Variants in ANK3 observed in about 807,000 individuals in gnomAD.
ANK3 encodes ankyrin-3.
In ANK3, 57 loss-of-function variants were observed where a neutral mutation model predicts 370.9. That is an observed-to-expected ratio of 0.15 (90% confidence interval 0.12 to 0.19). ANK3 has a LOEUF of 0.19. Among genes scored for constraint, ANK3 ranks in the 10% least tolerant of loss-of-function variants. The pLI is 1.00. For missense variants in ANK3, 4,439 were observed against 5,302.1 expected, an observed-to-expected ratio of 0.84 and a Z score of 5.06; for synonymous variants, 1,929 against 1,946.3, an observed-to-expected ratio of 0.99 and a Z score of 0.23.
chr10:60,653,540 T>C lies in ANK3; in HGVS notation c.58-38316A>G, dbSNP rs552091422. On this transcript the variant is annotated intron_variant, in intron 1 of 43. Transcript: ENST00000373827. ...TCCTTTCTCCAATTCTGTAGCTTTATAGTAATCAGGTAATGTGACTCTTTT... is the reference window on the plus strand; with the variant it reads ...TCCTTTCTCCAATTCTGTAGCTTTACAGTAATCAGGTAATGTGACTCTTTT... Among the ~76,000 whole-genome samples, 4 of 152,316 alleles carry C rather than the reference T, an allele frequency of 2.6e-5. No homozygotes were observed. The East Asian group carries it at 7.7e-4, about 29-fold the overall frequency.
chr10:60,599,389 C>T (rs1323780763), intron 2 of ANK3, among the ~76,000 whole-genome samples: 1 of 152,172 alleles, frequency 6.6e-6, no homozygotes, highest in Non-Finnish European at 1.5e-5. Flanking sequence ...ATATTCGATA[C>T]CGCGCTTCTT....
chr10:60,343,031 A>G (rs2054604926), intron 1 of ANK3, among the ~76,000 whole-genome samples: 1 of 152,190 alleles, frequency 6.6e-6, no homozygotes, highest in African/African-American at 2.4e-5. Context: ...CTTATGATAC[A>G]GTGTAAGGCT....
intron 2 of ANK3, among the ~76,000 whole-genome samples, chr10:60,527,194 T>G (rs1458718710): frequency 6.6e-6 from 1 of 152,088 alleles, no homozygotes; most frequent in Non-Finnish European, 1.5e-5. Flanking sequence ...AAACACCATT[T>G]AAAAAATACT....
intron 38 of ANK3, 58 bp from the exon 39 acceptor site, chr10:60,064,346 A>G: frequency 2.0e-6 from 3 of 1,485,548 alleles, no homozygotes; most frequent in Non-Finnish European, 2.7e-6. Flanking sequence ...CACACGTTTC[A>G]TAAAAGTAAT....
intron 2 of ANK3, among the ~76,000 whole-genome samples, chr10:60,578,668 G>A (rs184386322): frequency 7.9e-5 from 12 of 152,174 alleles, no homozygotes; most frequent in East Asian, 1.9e-4. Flanking sequence ...TGGAAAAGTC[G>A]TACAAAAGAT....
At chr10:60,275,487 T>A (rs188324874) in intron 4 of ANK3, among the ~76,000 whole-genome samples, 3 of 152,278 alleles carry the variant, frequency 2.0e-5, no homozygotes, top group Non-Finnish European at 4.4e-5. Context: ...CATCATAAAG[T>A]GCTGTTTTTA....
In ANK3 at chr10:60,069,877, T is replaced by G. The variant is rs780475961; in HGVS notation, c.11004A>C (p.Glu3668Asp). Reference protein sequence around the residue: ...PQPQSGDTTVETNLERNVETP... With the variant: ...PQPQSGDTTVDTNLERNVETP... Reference sequence around the variant, plus strand: ...TCTCTACATTTCTCTCTAGATTGGTTTCTACAGTGGTGTCCCCTGACTGTG... The same window carrying G: ...TCTCTACATTTCTCTCTAGATTGGTGTCTACAGTGGTGTCCCCTGACTGTG... Residue 3668 changes from glutamate (E) to aspartate (D), a missense_variant, in exon 37 of 44, where the codon GAA becomes GAC. Glu to Asp is a conservative substitution (Grantham distance 45, BLOSUM62 2). Transcript: ENST00000280772. 3 of 1,614,052 alleles carry G rather than the reference T, an allele frequency of 1.9e-6. No homozygotes were observed. The East Asian group carries it at 6.7e-5, about 36-fold the overall frequency.
At chr10:60,314,045 ATT>A (rs2046932856) in intron 1 of ANK3, among the ~76,000 whole-genome samples, 1 of 151,314 alleles carries the variant, frequency 6.6e-6, no homozygotes. Context: ...AAAGTTACCT[ATT>A]GGTTACTGTG....
At chr10:60,577,149 G>C (rs553804954) in intron 2 of ANK3, among the ~76,000 whole-genome samples, 2 of 152,308 alleles carry the variant, frequency 1.3e-5, no homozygotes, top group South Asian at 4.1e-4. Flanking sequence ...AGTACAAAGA[G>C]AGTGAGAGGG....
intron 2 of ANK3, among the ~76,000 whole-genome samples, chr10:60,513,704 T>A (rs1424789924): frequency 1.3e-5 from 2 of 152,260 alleles, no homozygotes; most frequent in African/African-American, 4.8e-5. Flanking sequence ...CCTATCTTTT[T>A]AATATCTTTT....
intron 25 of ANK3, among the ~76,000 whole-genome samples, chr10:60,131,091 T>A (rs2094038067): frequency 6.6e-6 from 1 of 152,220 alleles, no homozygotes; most frequent in South Asian, 2.1e-4. Flanking sequence ...TCAGCATGCA[T>A]ACCCCAATAT....
chr10:60,549,637 CTT>C (rs982887843), intron 2 of ANK3, among the ~76,000 whole-genome samples: 3 of 152,230 alleles, frequency 2.0e-5, no homozygotes, highest in Admixed American at 2.0e-4. Context: ...AATTTGGCCA[CTT>C]AACTTGGATT....
intron 2 of ANK3, among the ~76,000 whole-genome samples, chr10:60,477,497 A>G (rs1465165378): frequency 2.1e-4 from 28 of 130,822 alleles, no homozygotes; most frequent in Admixed American, 2.1e-3. Flanking sequence ...ATACATACCT[A>G]CTGACAGACA....
intron 7 of ANK3, among the ~76,000 whole-genome samples, chr10:60,251,195 T>C (rs958957468): frequency 6.6e-6 from 1 of 152,210 alleles, no homozygotes; most frequent in African/African-American, 2.4e-5. Flanking sequence ...AATTTTGTGT[T>C]GTTTTTTCCA....
At chr10:60,336,826 A>T (rs189357868) in intron 1 of ANK3, among the ~76,000 whole-genome samples, 1 of 152,252 alleles carries the variant, frequency 6.6e-6, no homozygotes, top group East Asian at 1.9e-4. Context: ...ATTCAGTAAG[A>T]AAAGTACCCA....
intron 2 of ANK3, among the ~76,000 whole-genome samples, chr10:60,487,572 C>T (rs7911959): frequency 6.6e-6 from 1 of 151,484 alleles, no homozygotes; most frequent in South Asian, 2.1e-4. Flanking sequence ...GGGAGGAATA[C>T]TTGGTAAAAT....
At chr10:60,044,941 G>A (rs566251571) in intron 42 of ANK3, 6 of 152,184 alleles carry the variant, frequency 3.9e-5, no homozygotes, top group East Asian at 1.9e-4. Flanking sequence ...TAATTGTGTC[G>A]GATATAGTAC....
intron 9 of ANK3, among the ~76,000 whole-genome samples, chr10:60,210,962 C>T (rs973902561): frequency 3.9e-5 from 6 of 152,074 alleles, no homozygotes; most frequent in Non-Finnish European, 7.4e-5. Flanking sequence ...CATTTCAAGC[C>T]GTCCATCTGA....
intron 25 of ANK3, among the ~76,000 whole-genome samples, chr10:60,116,162 AAGGCTAG>A (rs970232414): frequency 2.6e-5 from 4 of 152,158 alleles, no homozygotes; most frequent in African/African-American, 9.7e-5. Context: ...AGGAGACTAG[AAGGCTAG>A]AGGCACCATA....
Sources: gnomAD v4.1 joint callset for allele counts (sites outside exome capture counted in the v4.1 genomes callset) on GRCh38, gnomAD v4.1.1 for gene constraint, MANE v1.5 for transcripts, NCBI Gene and HGNC (gene_info 2026-07-23, HGNC 2026-07-21) for gene names.